DPYD: variants seen among roughly 807,000 people sequenced by gnomAD.
DPYD encodes dihydropyrimidine dehydrogenase [NADP(+)].
In DPYD, 109 loss-of-function variants were observed where a neutral mutation model predicts 116.2. The ratio of observed to expected loss-of-function variants is 0.94; its 90% CI spans 0.80 to 1.10. The LOEUF (loss-of-function observed/expected upper bound fraction) is 1.10. Ranked by LOEUF, DPYD falls within the 50% of genes least tolerant of loss-of-function variation. DPYD has a pLI of 0.00. For missense variants in DPYD, 1,302 were observed against 1,254.5 expected, an observed-to-expected ratio of 1.04 and a Z score of -0.57; for synonymous variants, 440 against 432.0, an observed-to-expected ratio of 1.02 and a Z score of -0.23.
intron 19 of DPYD, among the ~76,000 whole-genome samples, chr1:97,210,319 G>A (rs1056583333): frequency 6.6e-6 from 1 of 151,926 alleles, no homozygotes; most frequent in Admixed American, 6.6e-5. Flanking sequence ...CATTTGATAT[G>A]AATTTCATTT....
At chr1:97,161,356 T>C (rs2101744719) in intron 20 of DPYD, among the ~76,000 whole-genome samples, 1 of 152,260 alleles carries the variant, frequency 6.6e-6, no homozygotes, top group Middle Eastern at 3.4e-3. Flanking sequence ...CCCATCATTC[T>C]ACCATACTGA....
chr1:97,670,094 T>C (rs939096728), intron 8 of DPYD, among the ~76,000 whole-genome samples: 4 of 152,148 alleles, frequency 2.6e-5, no homozygotes, highest in African/African-American at 7.2e-5. Flanking sequence ...TGAATTACAG[T>C]GGGCGGAGGG....
chr1:97,778,221 G>A (rs34786009), intron 3 of DPYD, among the ~76,000 whole-genome samples: 78 of 135,240 alleles, frequency 5.8e-4, no homozygotes, highest in African/African-American at 9.9e-4. Flanking sequence ...AGAGAGAGAG[G>A]GAGGGAGGGA....
chr1:97,472,431 A>G (rs985738231), intron 13 of DPYD, among the ~76,000 whole-genome samples: 2 of 152,322 alleles, frequency 1.3e-5, no homozygotes, highest in East Asian at 1.9e-4. Flanking sequence ...GAGTCCATAC[A>G]TGGTTCCAAT....
rs1015393584 is a variant in DPYD at position 97,678,437 on chromosome 1, A to G, written c.850+658T>C. 9.9e-5 allele frequency among the ~76,000 whole-genome samples: 15 copies of G among 152,264 alleles called. No individual in the cohort carries two copies. The Middle Eastern group carries it at 0.01, about 104-fold the overall frequency. Reference sequence around the variant, plus strand: ...CGTAATTGCCCATAGTACAAATCATATCAGAGAATGAATATGACATTCATG... The same window carrying G: ...CGTAATTGCCCATAGTACAAATCATGTCAGAGAATGAATATGACATTCATG... On this transcript the variant is annotated intron_variant, in intron 8 of 22. Coordinates refer to ENST00000370192, the MANE Select transcript of DPYD (RefSeq NM_000110.4).
At chr1:97,618,805 C>A (rs1400966820) in intron 8 of DPYD, among the ~76,000 whole-genome samples, 3 of 152,124 alleles carry the variant, frequency 2.0e-5, no homozygotes, top group African/African-American at 7.2e-5. Context: ...AACCAAGCCA[C>A]CATCACAGAT....
intron 8 of DPYD, among the ~76,000 whole-genome samples, chr1:97,627,069 G>A (rs1206828038): frequency 6.6e-6 from 1 of 151,976 alleles, no homozygotes; most frequent in African/African-American, 2.4e-5. Flanking sequence ...AGCTCCTTGA[G>A]GCTCCTTTTA....
chr1:97,584,896 A>T (rs1379451925), intron 10 of DPYD, among the ~76,000 whole-genome samples: 1 of 151,100 alleles, frequency 6.6e-6, no homozygotes, highest in Non-Finnish European at 1.5e-5. Context: ...ACATGTATAC[A>T]TATGTAACAA....
chr1:97,846,287 T>C (rs764870328), intron 2 of DPYD, among the ~76,000 whole-genome samples: 20 of 152,158 alleles, frequency 1.3e-4, no homozygotes, highest in Middle Eastern at 3.2e-3. Flanking sequence ...TCTCCTCCAA[T>C]TGGTTGTTCC....
intron 3 of DPYD, among the ~76,000 whole-genome samples, chr1:97,761,815 C>T (rs554233920): frequency 6.6e-6 from 1 of 152,126 alleles, no homozygotes; most frequent in South Asian, 2.1e-4. Flanking sequence ...CCATGGAATA[C>T]TATGCAGCCA....
intron 16 of DPYD, among the ~76,000 whole-genome samples, chr1:97,309,992 T>C (rs933798930): frequency 1.3e-5 from 2 of 151,686 alleles, no homozygotes; most frequent in Non-Finnish European, 3.0e-5. Flanking sequence ...TGGTTTCATG[T>C]CCTCTGCAAA....
chr1:97,092,250 A>G (rs1042971374), intron 21 of DPYD, among the ~76,000 whole-genome samples: 1 of 152,182 alleles, frequency 6.6e-6, no homozygotes, highest in African/African-American at 2.4e-5. Flanking sequence ...GATTGTGCCA[A>G]TGACTGCTAT....
chr1:97,742,445 A>G (rs1467265975), intron 3 of DPYD, among the ~76,000 whole-genome samples: 3 of 152,190 alleles, frequency 2.0e-5, no homozygotes, highest in East Asian at 1.9e-4. Context: ...TTCATAATCA[A>G]TTGTCCTCTC....
At chr1:97,481,857 A>ACT (rs146484864) in intron 13 of DPYD, among the ~76,000 whole-genome samples, 41 of 149,496 alleles carry the variant, frequency 2.7e-4, no homozygotes, top group Non-Finnish European at 4.2e-4. Context: ...TATAATCTCT[A>ACT]CTCTCTCTCT....
intron 8 of DPYD, among the ~76,000 whole-genome samples, chr1:97,642,986 G>C (rs1658025466): frequency 6.6e-6 from 1 of 151,802 alleles, no homozygotes; most frequent in African/African-American, 2.4e-5. Context: ...AAAAACCCTA[G>C]AAGAAAACCT....
chr1:97,835,410 TGAATC>T (rs1182903687), intron 2 of DPYD, among the ~76,000 whole-genome samples: 1 of 152,102 alleles, frequency 6.6e-6, no homozygotes, highest in Non-Finnish European at 1.5e-5. Flanking sequence ...AAAGATAGAA[TGAATC>T]TCATTTCTGC....
chr1:97,908,777 C>T (rs544453016), intron 1 of DPYD, among the ~76,000 whole-genome samples: 2 of 152,212 alleles, frequency 1.3e-5, no homozygotes, highest in African/African-American at 4.8e-5. Flanking sequence ...ATCCATGGAG[C>T]GTATCACTGG....
At chr1:97,669,061 G>A (rs962770494) in intron 8 of DPYD, among the ~76,000 whole-genome samples, 5 of 149,744 alleles carry the variant, frequency 3.3e-5, no homozygotes, top group Non-Finnish European at 5.9e-5. Flanking sequence ...ATGAACATCT[G>A]TTAACTTTCT....
rs531034307 is a variant in DPYD, at chr1:97,612,619, C to T, written c.851-17453G>A. Among the ~76,000 whole-genome samples, 13 of 152,072 alleles carry T rather than the reference C, an allele frequency of 8.5e-5. No individual in the cohort carries two copies. The South Asian group carries it at 2.7e-3, about 32-fold the overall frequency. On this transcript the variant is annotated intron_variant, in intron 8 of 22. Transcript: ENST00000370192. ...ATGGATGCAACAATTAAGGAAGGCA[C>T]CATCCTTAATGAAGTTATAAGACAT... is the stretch of plus-strand genomic sequence containing the variant.
Sources: allele counts gnomAD v4.1 joint callset (sites outside exome capture counted in the v4.1 genomes callset), GRCh38; gene constraint gnomAD v4.1.1; transcripts MANE v1.5; gene names NCBI Gene and HGNC (gene_info 2026-07-23, HGNC 2026-07-21).